CCDC61: variants seen among roughly 807,000 people sequenced by gnomAD.
The protein encoded by CCDC61 is centrosomal protein CCDC61.
Under a neutral mutation model 63.0 loss-of-function variants are expected in CCDC61, and 55 were observed. The observed-to-expected ratio is 0.87, with a 90% confidence interval of 0.70 to 1.09. The LOEUF is 1.09. Among genes scored for constraint, CCDC61 ranks in the 50% least tolerant of loss-of-function variants. CCDC61 has a pLI of 0.00. For missense variants in CCDC61, 651 were observed against 731.4 expected (o/e 0.89, Z 1.27); for synonymous variants, 270 against 317.0 (o/e 0.85, Z 1.58).
chr19:46,001,029 C>G (rs1194498627), intron 1 of CCDC61, among the ~76,000 whole-genome samples: 1 of 151,112 alleles, frequency 6.6e-6, no homozygotes, highest in Non-Finnish European at 1.5e-5. Flanking sequence ...GTGTTCAGTT[C>G]CGTGGGTGCC....
Position 46,018,399 on chromosome 19 carries a change from G to A in CCDC61, c.*12G>A. On this transcript the variant is annotated 3_prime_UTR_variant, in exon 14 of 14. Coordinates refer to ENST00000595358, the MANE Select transcript of CCDC61 (RefSeq NM_001267723.2). The surrounding 1 kb of genome is among the most constrained non-coding windows in gnomAD (Gnocchi z 4.2). ...ACATGCGGTCATAACGTGGAGAAGG[G>A]GTACTACCCCTCCATCCCCCACCCA... 6.4e-7 allele frequency: 1 copy of A among 1,554,112 alleles called. No homozygotes were observed. Among genetic ancestry groups the A allele is most frequent in the East Asian group, 2.4e-5 (1 of 41,216 alleles).
chr19:46,001,716 C>A (rs1411094383), intron 1 of CCDC61, among the ~76,000 whole-genome samples: 1 of 152,202 alleles, frequency 6.6e-6, no homozygotes, highest in Non-Finnish European at 1.5e-5. Flanking sequence ...ACGCCATTGC[C>A]CTTGGGCCTC....
Position 46,015,481 on chromosome 19 carries a change from G to A in CCDC61, c.845+54G>A, listed in dbSNP as rs1968912435. On this transcript the variant is annotated intron_variant, in intron 7 of 13. Coordinates refer to ENST00000595358, the MANE Select transcript of CCDC61 (RefSeq NM_001267723.2). The surrounding 1 kb of genome is among the most constrained non-coding windows in gnomAD (Gnocchi z 5.3). Reference sequence around the variant, plus strand: ...GCGGATGGGCGGGCCCTGAGGGTGTGGAGGCTGATGAGGCGGAGCCTAAGG... The same window carrying A: ...GCGGATGGGCGGGCCCTGAGGGTGTAGAGGCTGATGAGGCGGAGCCTAAGG... 2 of 1,522,144 alleles carry A rather than the reference G, an allele frequency of 1.3e-6. No individual in the cohort carries two copies. The highest frequency in any genetic ancestry group is 1.8e-6 in the Non-Finnish European group (2 of 1,129,140). The allele number at this position is 1,522,144 out of a possible 1,614,324, so 94.3% of individuals were successfully genotyped here.
At chr19:46,007,609 T>C (rs1968736900) in intron 4 of CCDC61, among the ~76,000 whole-genome samples, 1 of 151,588 alleles carries the variant, frequency 6.6e-6, no homozygotes, top group South Asian at 2.1e-4. Context: ...AGGGGGAGGG[T>C]AGCAAGAGAG....
At chr19:46,014,193 C>T (rs957609439) in intron 5 of CCDC61, among the ~76,000 whole-genome samples, 3 of 152,064 alleles carry the variant, frequency 2.0e-5, no homozygotes, top group Non-Finnish European at 2.9e-5. Context: ...CCACCTGCCT[C>T]GGCCTCCCAA....
Position 46,018,269 on chromosome 19 carries a change from T to C in CCDC61, c.1442-21T>C. 1 of 1,557,932 alleles carries C rather than the reference T, an allele frequency of 6.4e-7. No individual in the cohort carries two copies. Among genetic ancestry groups the C allele is most frequent in the Non-Finnish European group, 8.7e-7 (1 of 1,150,830 alleles). On this transcript the variant is annotated intron_variant, in intron 13 of 13. Coordinates refer to ENST00000595358, the MANE Select transcript of CCDC61 (RefSeq NM_001267723.2). The surrounding 1 kb of genome is among the most constrained non-coding windows in gnomAD (Gnocchi z 4.2). ...GGCTTCAGGCCCCTCACAGCCCCCA[T>C]ACCCACACCTGCTCTCACAGAGTAC...
intron 5 of CCDC61, among the ~76,000 whole-genome samples, chr19:46,008,557 C>T (rs1000594254): frequency 2.0e-5 from 3 of 152,108 alleles, no homozygotes; most frequent in South Asian, 2.1e-4. Context: ...TACAGGCACG[C>T]GCCACCATGT....
At chr19:46,001,013 C>T (rs1335207519) in intron 1 of CCDC61, among the ~76,000 whole-genome samples, 2 of 151,494 alleles carry the variant, frequency 1.3e-5, no homozygotes, top group East Asian at 3.9e-4. Context: ...CTGTGCGGCT[C>T]CTCAGGTGTT....
chr19:45,997,712 A>T (rs1968520101), intron 1 of CCDC61, among the ~76,000 whole-genome samples: 1 of 115,112 alleles, frequency 8.7e-6, no homozygotes, highest in South Asian at 2.7e-4. Flanking sequence ...TTTGAGATAG[A>T]GTCTCTCTCT....
At chr19:46,007,153 A>G (rs1968728042) in intron 4 of CCDC61, among the ~76,000 whole-genome samples, 3 of 151,800 alleles carry the variant, frequency 2.0e-5, no homozygotes, top group Non-Finnish European at 1.5e-5. Flanking sequence ...GGTTCAAGCA[A>G]TTCTTGTGCC....
intron 5 of CCDC61, among the ~76,000 whole-genome samples, chr19:46,013,832 C>T (rs960536833): frequency 1.6e-4 from 24 of 151,284 alleles, no homozygotes; most frequent in African/African-American, 5.6e-4. Context: ...TGCCACTGCA[C>T]TCCAGCCTGG....
Position 46,016,112 on chromosome 19 carries a change from C to T in CCDC61, c.904C>T (p.Arg302Trp), listed in dbSNP as rs1214063199. 4.9e-6 allele frequency: 6 copies of T among 1,228,400 alleles called. No individual in the cohort carries two copies. The highest frequency in any genetic ancestry group is 4.3e-5 in the Admixed American group (1 of 23,036). The allele number at this position is 1,228,400 out of a possible 1,614,324, so 76.1% of individuals were successfully genotyped here. The change falls in exon 8 of 14, where the codon CGG (arginine) becomes TGG (tryptophan). Residue 302 changes from arginine (R) to tryptophan (W), a missense_variant. Physicochemically the swap from Arg to Trp is moderately radical, Grantham distance 101. Transcript: ENST00000595358. The surrounding 1 kb of genome is among the most constrained non-coding windows in gnomAD (Gnocchi z 7.2). ...PTREDRASSS[R>W]ERSASRGRGA... ...GCGGGAGGACCGGGCCTCATCGTCC[C>T]GGGAGCGCTCCGCGTCGCGAGGCCG...
At chr19:46,011,617 G>C (rs1032290851) in intron 5 of CCDC61, among the ~76,000 whole-genome samples, 3 of 152,178 alleles carry the variant, frequency 2.0e-5, no homozygotes, top group African/African-American at 7.2e-5. Context: ...ATGTGGGGTA[G>C]GTTTTGGCAA....
chr19:46,010,452 G>A (rs377505883), intron 5 of CCDC61, among the ~76,000 whole-genome samples: 70 of 152,306 alleles, frequency 4.6e-4, no homozygotes, highest in African/African-American at 1.5e-3. Context: ...CTGGGAGAGC[G>A]GAGAACGTCA....
chr19:46,000,468 G>GA (rs35496468), intron 1 of CCDC61, among the ~76,000 whole-genome samples: 21,206 of 151,624 alleles, frequency 0.14, 1,733 homozygotes, highest in Middle Eastern at 0.26. Context: ...AGGATGGAAT[G>GA]AAGGGGCTTT....
chr19:46,006,805 C>T, intron 4 of CCDC61, 89 bp downstream of exon 4: 1 of 1,234,078 alleles, frequency 8.1e-7, no homozygotes, highest in Non-Finnish European at 1.1e-6. Context: ...GGCACCCAGG[C>T]AAGGTGATAT....
intron 3 of CCDC61, among the ~76,000 whole-genome samples, chr19:46,003,853 G>GTGTGTGTGTGTGTA (rs1568688634): frequency 3.3e-5 from 5 of 150,512 alleles, no homozygotes; most frequent in Non-Finnish European, 7.4e-5. Flanking sequence ...GTGTGTGTGT[G>GTGTGTGTGTGTGTA]TGTGTGTGTA....
intron 4 of CCDC61, 82 bp from the exon 5 acceptor site, chr19:46,008,058 C>G: frequency 7.0e-7 from 1 of 1,426,066 alleles, no homozygotes; most frequent in Non-Finnish European, 9.4e-7. Flanking sequence ...TTTTCGTACT[C>G]TGTGGCTCTC....
Position 46,018,051 on chromosome 19 carries a change from C to A in CCDC61, c.1369-27C>A. 6.3e-7 allele frequency: 1 copy of A among 1,586,098 alleles called. No individual in the cohort carries two copies. Among genetic ancestry groups the A allele is most frequent in the South Asian group, 1.2e-5 (1 of 86,902 alleles). The stretch of plus-strand genomic sequence containing the variant: ...CAGAAATAGAGGGACGGTGGGTGAC[C>A]CCCTTTCCTACCTTCCCCATCACCA... On this transcript the variant is annotated intron_variant, in intron 12 of 13. Transcript: ENST00000595358. The surrounding 1 kb of genome is among the most constrained non-coding windows in gnomAD (Gnocchi z 4.2).
Sources: allele counts gnomAD v4.1 joint callset (sites outside exome capture counted in the v4.1 genomes callset), GRCh38; gene constraint gnomAD v4.1.1; non-coding constraint Gnocchi (gnomAD v3.1); transcripts MANE v1.5; gene names NCBI Gene and HGNC (gene_info 2026-07-23, HGNC 2026-07-21).